Variants in CSGALNACT1 observed in about 807,000 individuals in gnomAD.
CSGALNACT1 encodes beta4GalNAcT-1.
CSGALNACT1 carries 52 observed loss-of-function variants against 51.0 expected under a neutral mutation model. That is an observed-to-expected ratio of 1.02 (90% CI 0.82 to 1.29). The LOEUF (loss-of-function observed/expected upper bound fraction) is 1.29. CSGALNACT1 is among the 50% of genes most tolerant of loss of function. The probability of loss-of-function intolerance (pLI) is 0.00; values close to 1 mark genes in which losing one functional copy is unlikely to be tolerated. For missense variants in CSGALNACT1, 935 were observed against 679.2 expected (o/e 1.38, Z -4.19); for synonymous variants, 341 against 254.4 (o/e 1.34, Z -3.24).
chr8:19,527,546 G>A (rs2081952708), intron 3 of CSGALNACT1, among the ~76,000 whole-genome samples: 1 of 152,208 alleles, frequency 6.6e-6, no homozygotes, highest in Non-Finnish European at 1.5e-5. Flanking sequence ...CGAGGCAGAG[G>A]TTAAAGTGAG....
intron 6 of CSGALNACT1, among the ~76,000 whole-genome samples, chr8:19,437,306 G>C (rs1247560950): frequency 6.6e-6 from 1 of 152,152 alleles, no homozygotes; most frequent in East Asian, 1.9e-4. Context: ...TGGGAGTGCA[G>C]ACAAAGATCA....
intron 1 of CSGALNACT1, among the ~76,000 whole-genome samples, chr8:19,725,280 C>T (rs571687777): frequency 6.6e-6 from 1 of 152,316 alleles, no homozygotes; most frequent in East Asian, 1.9e-4. Flanking sequence ...GAAGGCATAG[C>T]TATAAGAATC....
chr8:19,603,117 TAAAA>T, upstream of CSGALNACT1, among the ~76,000 whole-genome samples: 1 of 102,082 alleles, frequency 9.8e-6, no homozygotes, highest in Admixed American at 9.8e-5. Flanking sequence ...ATGCAGGAAT[TAAAA>T]AAAAAAAAAA....
At chr8:19,497,560 T>A (rs76432527) in intron 4 of CSGALNACT1, among the ~76,000 whole-genome samples, 3,544 of 152,154 alleles carry the variant, frequency 0.023, 121 homozygotes, top group African/African-American at 0.081. Context: ...ATGAATAATA[T>A]GTTAAAGGCT....
intron 1 of CSGALNACT1, among the ~76,000 whole-genome samples, chr8:19,734,320 A>C (rs1047282092): frequency 6.6e-6 from 1 of 152,210 alleles, no homozygotes; most frequent in Non-Finnish European, 1.5e-5. Flanking sequence ...TTGTAACAAA[A>C]AGCTGAGTCT....
intron 5 of CSGALNACT1, among the ~76,000 whole-genome samples, chr8:19,456,097 C>G (rs1391895477): frequency 1.3e-5 from 2 of 152,164 alleles, no homozygotes; most frequent in Non-Finnish European, 2.9e-5. Context: ...TTCATTTCAC[C>G]CGTTTTGAGG....
chr8:19,620,430 C>CTTTTTTTTTT (rs35123924), intron 1 of CSGALNACT1, among the ~76,000 whole-genome samples: 1 of 142,116 alleles, frequency 7.0e-6, no homozygotes. Flanking sequence ...GGAAAAGAAT[C>CTTTTTTTTTT]TTTTTTTTTT....
At chr8:19,643,550 G>C (rs537375851) in intron 1 of CSGALNACT1, among the ~76,000 whole-genome samples, 1 of 151,764 alleles carries the variant, frequency 6.6e-6, no homozygotes. Context: ...AGACAAAAGA[G>C]TTGCTTGAGC....
At chr8:19,449,896 G>C (rs1440443575) in intron 5 of CSGALNACT1, among the ~76,000 whole-genome samples, 1 of 151,292 alleles carries the variant, frequency 6.6e-6, no homozygotes, top group African/African-American at 2.4e-5. Flanking sequence ...AAAGACCAAA[G>C]AAAATCTATA....
At chr8:19,420,666 G>A (rs905946002) in intron 6 of CSGALNACT1, 148 bp from the exon 6 acceptor site, 1 of 821,996 alleles carries the variant, frequency 1.2e-6, no homozygotes, top group Non-Finnish European at 2.1e-6. Context: ...TTACAGAACG[G>A]CCCAGACTCA....
chr8:19,707,382 C>A (rs747135549), intron 1 of CSGALNACT1, among the ~76,000 whole-genome samples: 1 of 152,150 alleles, frequency 6.6e-6, no homozygotes, highest in Non-Finnish European at 1.5e-5. Context: ...ATTTCTGATA[C>A]CCCGAATAGA....
chr8:19,692,320 C>T (rs2061374181), intron 1 of CSGALNACT1, among the ~76,000 whole-genome samples: 2 of 152,232 alleles, frequency 1.3e-5, no homozygotes. Context: ...GTTACCTGCC[C>T]TTCAGGTGCT....
intron 1 of CSGALNACT1, among the ~76,000 whole-genome samples, chr8:19,651,941 A>C (rs1206729054): frequency 7.3e-6 from 1 of 137,374 alleles, no homozygotes; most frequent in African/African-American, 2.7e-5. Context: ...TTTTGTTTTG[A>C]CTTTTTTTAG....
At chr8:19,536,818 G>C (rs1371413897) in intron 3 of CSGALNACT1, among the ~76,000 whole-genome samples, 1 of 152,168 alleles carries the variant, frequency 6.6e-6, no homozygotes. Context: ...TAGATATACA[G>C]AACAACAAAG....
chr8:19,728,579 G>C (rs1373672941), intron 1 of CSGALNACT1, among the ~76,000 whole-genome samples: 1 of 151,978 alleles, frequency 6.6e-6, no homozygotes, highest in Non-Finnish European at 1.5e-5. Flanking sequence ...TCTAATCTGA[G>C]TACACACGCA....
intron 1 of CSGALNACT1, among the ~76,000 whole-genome samples, chr8:19,669,200 G>C (rs1461259769): frequency 6.6e-6 from 1 of 152,172 alleles, no homozygotes; most frequent in African/African-American, 2.4e-5. Flanking sequence ...ATAGGAATTT[G>C]AGTAGATTTG....
chr8:19,458,557 G>A, exon 5 of CSGALNACT1: 1 of 1,614,136 alleles, frequency 6.2e-7, no homozygotes, highest in Admixed American at 1.7e-5. Flanking sequence ...GTCGAAATAA[G>A]ATGAGCCGTT....
At chr8:19,719,221 T>C (rs1564467472) in intron 1 of CSGALNACT1, among the ~76,000 whole-genome samples, 1 of 152,212 alleles carries the variant, frequency 6.6e-6, no homozygotes, top group Non-Finnish European at 1.5e-5. Context: ...CATTTGTCTT[T>C]CTGATTTATA....
intron 3 of CSGALNACT1, among the ~76,000 whole-genome samples, chr8:19,572,760 C>T (rs2043295092): frequency 6.6e-6 from 1 of 152,190 alleles, no homozygotes; most frequent in South Asian, 2.1e-4. Context: ...AATGTTTACA[C>T]ATTTAATGTG....
Sources: gnomAD v4.1 joint callset for allele counts (sites outside exome capture counted in the v4.1 genomes callset) on GRCh38, gnomAD v4.1.1 for gene constraint, MANE v1.5 for transcripts, NCBI Gene and HGNC (gene_info 2026-07-23, HGNC 2026-07-21) for gene names.